Variants in MELK observed in about 807,000 individuals in gnomAD.
MELK encodes the protein maternal embryonic leucine zipper kinase, also known as pEg3 kinase.
MELK carries 81 observed loss-of-function variants against 85.0 expected under a neutral mutation model. That is an observed-to-expected ratio of 0.95 (90% CI 0.80 to 1.15). MELK has a LOEUF of 1.15. Ranked by LOEUF, MELK falls within the 50% of genes most tolerant of loss-of-function variation. The probability of loss-of-function intolerance (pLI) is 0.00; values close to 1 mark genes in which losing one functional copy is unlikely to be tolerated. For synonymous variants in MELK, 252 were observed against 265.0 expected (o/e 0.95, Z 0.48); for missense variants, 754 against 777.5 (o/e 0.97, Z 0.36).
intron 11 of MELK, among the ~76,000 whole-genome samples, chr9:36,647,704 GT>G (rs1243082987): frequency 2.0e-5 from 3 of 151,840 alleles, no homozygotes; most frequent in African/African-American, 7.3e-5. Context: ...GGCTGGGCTG[GT>G]CTCGATCTCC....
chr9:36,641,601 GA>G (rs1829758923), intron 10 of MELK, among the ~76,000 whole-genome samples: 2 of 127,618 alleles, frequency 1.6e-5, no homozygotes, highest in Middle Eastern at 4.1e-3. Context: ...CATAAAGAGA[GA>G]TTTTTTTTTT....
intron 17 of MELK, among the ~76,000 whole-genome samples, chr9:36,676,299 C>T (rs1833340536): frequency 6.6e-6 from 1 of 152,174 alleles, no homozygotes; most frequent in Admixed American, 6.6e-5. Context: ...CTCCACACAT[C>T]TGTGGAACAG....
At chr9:36,655,396 G>A (rs900840980) in intron 12 of MELK, among the ~76,000 whole-genome samples, 1 of 151,932 alleles carries the variant, frequency 6.6e-6, no homozygotes, top group African/African-American at 2.4e-5. Context: ...AATTTTGCTT[G>A]ATGTATTCTG....
At chr9:36,650,089 G>A (rs1011687336) in intron 11 of MELK, among the ~76,000 whole-genome samples, 10 of 151,796 alleles carry the variant, frequency 6.6e-5, no homozygotes, top group African/African-American at 2.2e-4. Flanking sequence ...GACTACAGGC[G>A]CCCACTACCA....
In MELK at chr9:36,669,318, C is replaced by T. The variant is rs756604222; in HGVS notation, c.1417C>T (p.Gln473Ter). 6.2e-7 allele frequency: 1 copy of T among 1,605,636 alleles called. No individual in the cohort carries two copies. The highest frequency in any genetic ancestry group is 8.5e-7 in the Non-Finnish European group (1 of 1,175,760). Residue 473 changes from glutamine to a stop codon, truncating the protein, a stop_gained, in exon 15 of 18, where the codon CAG becomes TAG. Transcript: ENST00000298048. LOFTEE classifies it high-confidence loss of function. ...TGTTCTGTTTCTAATAGCTAGAAAC[C>T]AGTGCCTGAAAGAAACTCCAATTAA... ...RYTTPSKARN[Q>*]CLKETPIKIP... is the part of the protein sequence containing the mutation.
At chr9:36,583,090 C>G (rs1466678137) in intron 2 of MELK, among the ~76,000 whole-genome samples, 1 of 151,658 alleles carries the variant, frequency 6.6e-6, no homozygotes, top group Non-Finnish European at 1.5e-5. Flanking sequence ...TCTCCTGCCT[C>G]AGCCTCCCGA....
intron 11 of MELK, among the ~76,000 whole-genome samples, chr9:36,650,814 C>G: frequency 6.6e-6 from 1 of 152,128 alleles, no homozygotes; most frequent in Non-Finnish European, 1.5e-5. Context: ...AGAAGCCGGT[C>G]CAGAGTGGAG....
At chr9:36,594,922 T>TA in intron 5 of MELK, 151 bp downstream of exon 5, 4 of 805,048 alleles carry the variant, frequency 5.0e-6, no homozygotes, top group Non-Finnish European at 7.1e-6. Flanking sequence ...TTTTTCCTCT[T>TA]ACTTTTTTTT....
chr9:36,594,084 G>A (rs751028802), intron 4 of MELK, among the ~76,000 whole-genome samples: 11 of 152,156 alleles, frequency 7.2e-5, no homozygotes, highest in Admixed American at 2.0e-4. Flanking sequence ...TGCTAAAATG[G>A]AAACCCAGCT....
intron 8 of MELK, among the ~76,000 whole-genome samples, chr9:36,612,560 T>C (rs1446332483): frequency 6.6e-6 from 1 of 152,092 alleles, no homozygotes; most frequent in Non-Finnish European, 1.5e-5. Flanking sequence ...TAATTTTGTA[T>C]GTTTAGTAGA....
chr9:36,677,232 G>C lies in MELK; in HGVS notation c.1851G>C (p.Gln617His), dbSNP rs1444783320. The C allele has an allele frequency of 1.2e-6, 2 of 1,614,114 alleles. No homozygotes were observed. Among genetic ancestry groups the C allele is most frequent in the South Asian group, 2.2e-5 (2 of 91,054 alleles). Reference protein sequence around the residue: ...VTMQFELEVCQLQKPDVVGIR... With the variant: ...VTMQFELEVCHLQKPDVVGIR... ...TGCAATTTGAATTAGAAGTGTGCCA[G>C]CTTCAAAAACCCGATGTGGTGGGTA... Residue 617 changes from glutamine to histidine, a missense_variant, in exon 18 of 18, where the codon CAG becomes CAC. Physicochemically the swap from Gln to His is conservative, Grantham distance 24. Coordinates refer to ENST00000298048, the MANE Select transcript of MELK (RefSeq NM_014791.4).
At chr9:36,636,820 C>CTTTCT (rs528100694) in intron 10 of MELK, among the ~76,000 whole-genome samples, 1 of 146,874 alleles carries the variant, frequency 6.8e-6, no homozygotes, top group African/African-American at 2.6e-5. Flanking sequence ...TTCTTTCTTT[C>CTTTCT]TGTCTTTCTT....
intron 3 of MELK, among the ~76,000 whole-genome samples, chr9:36,588,747 A>C (rs1823219321): frequency 6.6e-6 from 1 of 152,070 alleles, no homozygotes; most frequent in Non-Finnish European, 1.5e-5. Context: ...TGTCCTTTAA[A>C]GTTTTTTCAG....
rs10713474 is a variant in MELK at position 36,600,099 on chromosome 9, G to GT, written c.567+625dup. Among the ~76,000 whole-genome samples, 817 of 145,070 alleles carry GT rather than the reference G, an allele frequency of 5.6e-3. 3 individuals carry two copies. The highest frequency in any genetic ancestry group is 0.014 in the African/African-American group (562 of 39,994). ...TCCAAATCTTTTTTTGTTTTGTTTT[G>GT]TTTTTTTTTTTTGAGACGGAGTCTC... On this transcript the variant is annotated intron_variant, in intron 7 of 17. Coordinates refer to ENST00000298048, the MANE Select transcript of MELK (RefSeq NM_014791.4).
intron 11 of MELK, among the ~76,000 whole-genome samples, chr9:36,649,402 G>T (rs948213038): frequency 6.6e-6 from 1 of 152,108 alleles, no homozygotes. Flanking sequence ...CAGGAGAAGG[G>T]CGTGAACCTG....
intron 9 of MELK, among the ~76,000 whole-genome samples, chr9:36,630,627 C>A (rs1828464094): frequency 6.6e-6 from 1 of 152,126 alleles, no homozygotes; most frequent in Non-Finnish European, 1.5e-5. Context: ...GTTCCACTCT[C>A]TTTTATTCCA....
At chr9:36,630,154 AT>A in intron 8 of MELK, 144 bp from the exon 9 acceptor site, 12 of 691,444 alleles carry the variant, frequency 1.7e-5, no homozygotes, top group East Asian at 5.1e-5. Context: ...CAAGAAATTG[AT>A]TTTTTTTAGT....
intron 13 of MELK, among the ~76,000 whole-genome samples, chr9:36,660,742 A>G (rs1295571681): frequency 1.3e-5 from 2 of 151,316 alleles, no homozygotes; most frequent in Non-Finnish European, 2.9e-5. Flanking sequence ...CTGTAATCCC[A>G]GCACTTTGGG....
At chr9:36,624,910 C>T (rs1056942870) in intron 8 of MELK, among the ~76,000 whole-genome samples, 24 of 151,796 alleles carry the variant, frequency 1.6e-4, no homozygotes, top group African/African-American at 5.6e-4. Context: ...AACCTGGAAT[C>T]AGACTTGTCC....
Sources: allele counts gnomAD v4.1 joint callset (sites outside exome capture counted in the v4.1 genomes callset), GRCh38; gene constraint gnomAD v4.1.1; transcripts MANE v1.5; gene names NCBI Gene and HGNC (gene_info 2026-07-23, HGNC 2026-07-21).